DCT: variants seen among roughly 807,000 people sequenced by gnomAD.
DCT encodes the protein L-dopachrome tautomerase.
DCT carries 47 observed loss-of-function variants against 53.0 expected under a neutral mutation model. The ratio of observed to expected loss-of-function variants is 0.89; its 90% confidence interval spans 0.70 to 1.13. The LOEUF (loss-of-function observed/expected upper bound fraction) is 1.13. Among genes scored for constraint, DCT ranks in the 50% most tolerant of loss-of-function variants. The pLI is 0.00. For synonymous variants in DCT, 244 were observed against 237.0 expected (o/e 1.03, Z -0.27); for missense variants, 669 against 637.4 (o/e 1.05, Z -0.53).
the DCT span, among the ~76,000 whole-genome samples, chr13:94,526,523 G>A: frequency 2.5e-4 from 38 of 152,214 alleles, no homozygotes; most frequent in African/African-American, 7.2e-4. Flanking sequence ...GTAGCTACTC[G>A]GGAGGCTGAG....
At chr13:94,464,160 C>T (rs1344310510) in intron 4 of DCT, among the ~76,000 whole-genome samples, 1 of 152,172 alleles carries the variant, frequency 6.6e-6, no homozygotes, top group South Asian at 2.1e-4. Context: ...GTTCTGAGCA[C>T]TGTAGGAAAT....
intron 1 of DCT, among the ~76,000 whole-genome samples, chr13:94,478,219 A>G (rs2139380364): frequency 7.8e-6 from 1 of 128,602 alleles, no homozygotes; most frequent in East Asian, 2.5e-4. Flanking sequence ...AATTTTGTCA[A>G]AGTTACAACC....
the DCT span, among the ~76,000 whole-genome samples, chr13:94,529,779 A>G: frequency 6.6e-6 from 1 of 152,234 alleles, no homozygotes; most frequent in Non-Finnish European, 1.5e-5. Context: ...AAGGCAAGAA[A>G]TAACTAAGAT....
chr13:94,519,724 G>A, the DCT span, among the ~76,000 whole-genome samples: 1 of 152,090 alleles, frequency 6.6e-6, no homozygotes, highest in Non-Finnish European at 1.5e-5. Flanking sequence ...GTATGGTAGA[G>A]GCCAGTGGTT....
chr13:94,442,356 G>T lies in DCT; in HGVS notation c.1381+1080C>A, dbSNP rs533489222. On this transcript the variant is annotated intron_variant, in intron 7 of 7. Transcript: ENST00000377028. ...GGGTCTCACTCTGTTGCCCAGACTG[G>T]AGTGCAGTGGCACAAACAGGGCTCA... Among the ~76,000 whole-genome samples, 9 of 152,072 alleles carry T rather than the reference G, an allele frequency of 5.9e-5. No homozygotes were observed. In the South Asian group the frequency reaches 1.9e-3, roughly 32 times the overall value.
chr13:94,440,722 C>T (rs1239959119), intron 7 of DCT, among the ~76,000 whole-genome samples: 3 of 143,836 alleles, frequency 2.1e-5, no homozygotes, highest in East Asian at 2.0e-4. Flanking sequence ...GCTCTGTCGC[C>T]CAGGCTGGAG....
chr13:94,501,184 G>A, the DCT span, among the ~76,000 whole-genome samples: 12 of 152,214 alleles, frequency 7.9e-5, no homozygotes, highest in East Asian at 1.9e-3. Flanking sequence ...CAGGAGAATG[G>A]CGTGAACCCG....
the DCT span, among the ~76,000 whole-genome samples, chr13:94,547,984 A>AAAAAAAAAAAT: frequency 1.1e-4 from 7 of 65,820 alleles, no homozygotes; most frequent in African/African-American, 9.0e-4. Context: ...AAAAAAAAAA[A>AAAAAAAAAAAT]ATATATATAT....
At chr13:94,450,350 T>C (rs1882997012) in intron 6 of DCT, among the ~76,000 whole-genome samples, 1 of 152,182 alleles carries the variant, frequency 6.6e-6, no homozygotes, top group African/African-American at 2.4e-5. Flanking sequence ...AATAGCATCT[T>C]CCAGGCAGGG....
At chr13:94,457,358 G>C (rs61285763) in intron 6 of DCT, among the ~76,000 whole-genome samples, 4,350 of 152,246 alleles carry the variant, frequency 0.029, 175 homozygotes, top group African/African-American at 0.097. Context: ...AGGCATCAGA[G>C]AGTTTATTCT....
rs1438331353 is a variant in DCT, at chr13:94,437,190, GGTT to G, written c.*2705_*2707del. 2.6e-5 allele frequency: 4 copies of G among 152,238 alleles called. No individual in the cohort carries two copies. Among genetic ancestry groups the G allele is most frequent in the Admixed American group, 6.5e-5 (1 of 15,288 alleles). 9.4% of individuals were successfully genotyped at this position (152,238 alleles called of 1,614,324 possible). The stretch of plus-strand genomic sequence containing the variant: ...TTTAAGAGATTATTTTTCAGACTGA[GGTT>G]GTTATTATATATTTTACATGTATAT... On this transcript the variant is annotated 3_prime_UTR_variant, in exon 8 of 8. Transcript: ENST00000377028.
Position 94,438,548 on chromosome 13 carries a change from AG to A in DCT, c.*1349del, listed in dbSNP as rs1430899378. The A allele has an allele frequency of 7.5e-5, 34 of 455,146 alleles. No individual in the cohort carries two copies. In the East Asian group the frequency reaches 1.4e-3, roughly 19 times the overall value. The allele number at this position is 455,146 out of a possible 1,614,324, so 28.2% of individuals were successfully genotyped here. On this transcript the variant is annotated 3_prime_UTR_variant, in exon 8 of 8. Transcript: ENST00000377028. ...CCCATTCTTTACATTCATTCATTCCAGTAGAGAGGGGCCTCGACAGACAAGC... is the reference window on the plus strand; with the variant it reads ...CCCATTCTTTACATTCATTCATTCCATAGAGAGGGGCCTCGACAGACAAGC...
At chr13:94,442,962 C>T (rs1474687776) in intron 7 of DCT, among the ~76,000 whole-genome samples, 2 of 152,150 alleles carry the variant, frequency 1.3e-5, no homozygotes, top group African/African-American at 2.4e-5. Context: ...TTTCTGGCCT[C>T]CTCTTGAATT....
At chr13:94,521,574 G>A in the DCT span, among the ~76,000 whole-genome samples, 1 of 152,216 alleles carries the variant, frequency 6.6e-6, no homozygotes, top group African/African-American at 2.4e-5. Context: ...AGAGGCTGAA[G>A]CAGGAGAATC....
chr13:94,490,504 C>CAAAAAAAAAAAAAAAAAAAAAAAAA, the DCT span, among the ~76,000 whole-genome samples: 33 of 35,486 alleles, frequency 9.3e-4, 4 homozygotes, highest in African/African-American at 2.5e-3. Flanking sequence ...GACTCGGTCT[C>CAAAAAAAAAAAAAAAAAAAAAAAAA]AAAAAAAAAA....
chr13:94,504,339 G>A, the DCT span, among the ~76,000 whole-genome samples: 2 of 152,024 alleles, frequency 1.3e-5, no homozygotes, highest in East Asian at 3.8e-4. Context: ...GGTGGTGCTG[G>A]GGCATTTGTA....
chr13:94,460,771 A>G (rs1057264908), intron 5 of DCT, among the ~76,000 whole-genome samples: 1 of 152,194 alleles, frequency 6.6e-6, no homozygotes, highest in Non-Finnish European at 1.5e-5. Context: ...AAAAAAAAGA[A>G]AAAAGAAAAA....
the DCT span, among the ~76,000 whole-genome samples, chr13:94,487,235 T>C: frequency 8.6e-3 from 1,304 of 152,286 alleles, 21 homozygotes; most frequent in African/African-American, 0.03. Context: ...TGAAAGCCAG[T>C]AAAGAGAGGC....
chr13:94,450,962 C>T (rs905802899), intron 6 of DCT, among the ~76,000 whole-genome samples: 11 of 152,108 alleles, frequency 7.2e-5, no homozygotes, highest in Admixed American at 7.2e-4. Context: ...AGGTTTAGTT[C>T]TTCTCAATAT....
Sources: allele counts gnomAD v4.1 joint callset (sites outside exome capture counted in the v4.1 genomes callset), GRCh38; gene constraint gnomAD v4.1.1; transcripts MANE v1.5; gene names NCBI Gene and HGNC (gene_info 2026-07-23, HGNC 2026-07-21).